The following ACMSD variants were observed in gnomAD, a reference collection of about 807,000 sequenced individuals.
ACMSD encodes the protein aminocarboxymuconate semialdehyde decarboxylase.
ACMSD carries 37 observed loss-of-function variants against 45.9 expected under a neutral mutation model. That is an observed-to-expected ratio of 0.81 (90% CI 0.62 to 1.06). ACMSD has a LOEUF of 1.06. Among genes scored for constraint, ACMSD ranks in the 50% least tolerant of loss-of-function variants. The pLI is 0.00. For missense variants in ACMSD, 434 were observed against 420.9 expected (o/e 1.03, Z -0.27); for synonymous variants, 138 against 148.8 (o/e 0.93, Z 0.53).
chr2:134,863,695 G>T (rs1687959485), intron 5 of ACMSD, 64 bp downstream of exon 5: 20 of 1,548,552 alleles, frequency 1.3e-5, no homozygotes, highest in Non-Finnish European at 1.7e-5. Flanking sequence ...GCACCGCTGG[G>T]TGCTGGCAGG....
At chr2:134,858,555 AC>A (rs1164973501) in intron 2 of ACMSD, among the ~76,000 whole-genome samples, 1 of 152,244 alleles carries the variant, frequency 6.6e-6, no homozygotes, top group South Asian at 2.1e-4. Context: ...GAAGTAATGG[AC>A]ATTTTAATTA....
At chr2:134,888,927 C>T (rs1689617678) in intron 8 of ACMSD, among the ~76,000 whole-genome samples, 1 of 152,130 alleles carries the variant, frequency 6.6e-6, no homozygotes, top group Admixed American at 6.6e-5. Context: ...GGGATGTGGG[C>T]AATGCCAGTG....
At chr2:134,857,469 T>C (rs1268705461) in intron 2 of ACMSD, among the ~76,000 whole-genome samples, 2 of 152,028 alleles carry the variant, frequency 1.3e-5, no homozygotes, top group Admixed American at 6.6e-5. Context: ...AATAATGGGA[T>C]TGCCTGATAT....
intron 2 of ACMSD, among the ~76,000 whole-genome samples, chr2:134,856,131 A>T (rs1687569568): frequency 1.3e-5 from 2 of 152,238 alleles, no homozygotes; most frequent in African/African-American, 4.8e-5. Flanking sequence ...TATATGGATT[A>T]TCTTATTTCA....
chr2:134,843,592 T>C (rs1216776961), intron 1 of ACMSD, among the ~76,000 whole-genome samples: 3 of 152,036 alleles, frequency 2.0e-5, no homozygotes, highest in Non-Finnish European at 4.4e-5. Context: ...ACAACTTCCC[T>C]GCACCACAGC....
At chr2:134,884,411 T>C (rs1689212030) in intron 8 of ACMSD, among the ~76,000 whole-genome samples, 2 of 152,182 alleles carry the variant, frequency 1.3e-5, no homozygotes, top group Admixed American at 1.3e-4. Flanking sequence ...AAGAAGGCCA[T>C]AATACTGGAA....
At chr2:134,885,291 TTATA>T (rs1187813174) in intron 8 of ACMSD, among the ~76,000 whole-genome samples, 1 of 38,472 alleles carries the variant, frequency 2.6e-5, no homozygotes, top group African/African-American at 1.4e-4. Flanking sequence ...TATATTATAT[TTATA>T]TATATATTTA....
chr2:134,856,528 G>C (rs1478852834), intron 2 of ACMSD, among the ~76,000 whole-genome samples: 3 of 152,102 alleles, frequency 2.0e-5, no homozygotes, highest in Admixed American at 6.5e-5. Context: ...TTGTCTTTTT[G>C]ATAACAGCCA....
At chr2:134,883,569 A>G (rs918031966) in intron 8 of ACMSD, among the ~76,000 whole-genome samples, 18 of 152,140 alleles carry the variant, frequency 1.2e-4, no homozygotes, top group African/African-American at 4.1e-4. Flanking sequence ...TGGTGCGATC[A>G]TAGCTCACTG....
intron 8 of ACMSD, among the ~76,000 whole-genome samples, chr2:134,888,223 C>A (rs1396384074): frequency 6.6e-6 from 1 of 152,108 alleles, no homozygotes; most frequent in Non-Finnish European, 1.5e-5. Flanking sequence ...GCTTAAATGG[C>A]CACTCCCAAA....
intron 2 of ACMSD, among the ~76,000 whole-genome samples, chr2:134,858,452 TGG>T (rs1687684045): frequency 6.6e-6 from 1 of 152,156 alleles, no homozygotes; most frequent in South Asian, 2.1e-4. Context: ...TTGCACAATA[TGG>T]TGACTATAGT....
intron 2 of ACMSD, among the ~76,000 whole-genome samples, chr2:134,855,141 T>C (rs1431900606): frequency 6.6e-6 from 1 of 152,244 alleles, no homozygotes; most frequent in Non-Finnish European, 1.5e-5. Context: ...TCAGGACTCT[T>C]GGTTGCAGGC....
At chr2:134,871,109 C>A in intron 7 of ACMSD, 49 bp downstream of exon 7, 1 of 1,476,530 alleles carries the variant, frequency 6.8e-7, no homozygotes. Context: ...AACAAAATCC[C>A]ACAGATGGGG....
chr2:134,863,772 A>T (rs1279517215), intron 5 of ACMSD, 141 bp downstream of exon 5: 5 of 837,392 alleles, frequency 6.0e-6, no homozygotes, highest in Non-Finnish European at 9.3e-6. Flanking sequence ...ATGTAGGTAG[A>T]AGGTGTGGAA....
intron 8 of ACMSD, among the ~76,000 whole-genome samples, chr2:134,878,629 T>C (rs77436986): frequency 6.6e-6 from 1 of 152,208 alleles, no homozygotes. Flanking sequence ...GCCAGGCCAA[T>C]TCAACATAGC....
chr2:134,839,772 G>A (rs772491721), intron 1 of ACMSD, among the ~76,000 whole-genome samples: 4 of 152,160 alleles, frequency 2.6e-5, no homozygotes, highest in South Asian at 2.1e-4. Flanking sequence ...CACAGCTAAC[G>A]ATAAAAGATA....
intron 8 of ACMSD, among the ~76,000 whole-genome samples, chr2:134,892,099 T>C (rs1388611121): frequency 6.6e-6 from 1 of 151,788 alleles, no homozygotes; most frequent in Admixed American, 6.6e-5. Context: ...TGGATGGAGG[T>C]GAGGATGAGA....
At chr2:134,895,381 ATTG>A (rs1362087208) in intron 8 of ACMSD, among the ~76,000 whole-genome samples, 1 of 112,076 alleles carries the variant, frequency 8.9e-6, no homozygotes, top group Non-Finnish European at 1.9e-5. Context: ...GTTACAAAAC[ATTG>A]TTGAAGAAAA....
At chr2:134,868,891 T>C (rs1051691002) in intron 6 of ACMSD, 3 of 152,244 alleles carry the variant, frequency 2.0e-5, no homozygotes, top group African/African-American at 7.2e-5. Context: ...ACCGGGATTT[T>C]AGTTTCAATT....
Sources: allele counts gnomAD v4.1 joint callset (sites outside exome capture counted in the v4.1 genomes callset), GRCh38; gene constraint gnomAD v4.1.1; transcripts MANE v1.5; gene names NCBI Gene and HGNC (gene_info 2026-07-23, HGNC 2026-07-21).